The following FHOD1 variants were observed in gnomAD, a reference collection of about 807,000 sequenced individuals.
FHOD1 encodes the protein formin homology 2 domain containing 1, also known as FH1/FH2 domain-containing protein 1.
FHOD1 carries 89 observed loss-of-function variants against 111.6 expected under a neutral mutation model. That is an observed-to-expected ratio of 0.80 (90% confidence interval 0.67 to 0.95). FHOD1 has a LOEUF of 0.95. Ranked by LOEUF, FHOD1 falls within the 40% of genes least tolerant of loss-of-function variation. The pLI is 0.00. For missense variants in FHOD1, 1,446 were observed against 1,554.2 expected (o/e 0.93, Z 1.17); for synonymous variants, 618 against 639.0 (o/e 0.97, Z 0.50).
rs1348331281 is a variant in FHOD1, at chr16:67,238,864, AGGAGGTGCTGCT to A, written c.373+27_373+38del. On this transcript the variant is annotated intron_variant, in intron 3 of 21. Transcript: ENST00000258201. The surrounding 1 kb of genome is among the most constrained non-coding windows in gnomAD (Gnocchi z 4.2). ...AAGGTGAGCCAACTGGGCTATGGGG[AGGAGGTGCTGCT>A]GGACATGGATGCTCTCACACACTCA... The A allele has an allele frequency of 1.2e-6, 2 of 1,603,938 alleles. No individual in the cohort carries two copies. The highest frequency in any genetic ancestry group is 1.7e-6 in the Non-Finnish European group (2 of 1,170,774).
At chr16:67,234,595 A>G in intron 11 of FHOD1, 123 bp from the exon 12 acceptor site, 1 of 811,564 alleles carries the variant, frequency 1.2e-6, no homozygotes, top group African/African-American at 1.7e-5. Context: ...GGAACAGTCC[A>G]TGCGCTGAGC....
chr16:67,247,472 A>C lies in FHOD1; in HGVS notation c.-62T>G. 6.4e-7 allele frequency: 1 copy of C among 1,552,672 alleles called. No homozygotes were observed. The highest frequency in any genetic ancestry group is 8.8e-7 in the Non-Finnish European group (1 of 1,140,662). On this transcript the variant is annotated 5_prime_UTR_variant, in exon 1 of 22. Transcript: ENST00000258201. Reference sequence around the variant, plus strand: ...CCCGGCCCCAGTGCAGCTTCTACTCAAAGCACACTGTAGCTCCGCGGTTCG... The same window carrying C: ...CCCGGCCCCAGTGCAGCTTCTACTCCAAGCACACTGTAGCTCCGCGGTTCG...
In FHOD1 at chr16:67,238,840, A is replaced by G; in HGVS notation, c.373+63T>C. ...TGCTCACTGTTCAGCACAGGCCTGA[A>G]GGTGAGCCAACTGGGCTATGGGGAG... is the stretch of plus-strand genomic sequence containing the variant. On this transcript the variant is annotated intron_variant, in intron 3 of 21. Coordinates refer to ENST00000258201, the MANE Select transcript of FHOD1 (RefSeq NM_013241.3). The surrounding 1 kb of genome is among the most constrained non-coding windows in gnomAD (Gnocchi z 4.2). 6.6e-7 allele frequency: 1 copy of G among 1,519,930 alleles called. No homozygotes were observed. The highest frequency in any genetic ancestry group is 9.1e-7 in the Non-Finnish European group (1 of 1,093,928). The allele number at this position is 1,519,930 out of a possible 1,614,324, so 94.2% of individuals were successfully genotyped here.
In FHOD1 at chr16:67,236,985, C is replaced by A. The variant is rs753857928; in HGVS notation, c.1123G>T (p.Ala375Ser). 1 of 1,598,572 alleles carries A rather than the reference C, an allele frequency of 6.3e-7. No individual in the cohort carries two copies. The highest frequency in any genetic ancestry group is 8.5e-7 in the Non-Finnish European group (1 of 1,173,542). The change falls in exon 10 of 22, where the codon GCG (alanine) becomes TCG (serine). Residue 375 changes from alanine to serine, a missense_variant. Physicochemically the swap from Ala to Ser is moderately conservative, Grantham distance 99. Transcript: ENST00000258201. The stretch of plus-strand genomic sequence containing the variant: ...ACTTACCCAGGTTCCGGGGCACGCG[C>A]GGGGCAGCCCCCGCCTTCCAGAGAA... Reference protein sequence around the residue: ...RRSLEGGGCPARAPEPGPTGP... With the variant: ...RRSLEGGGCPSRAPEPGPTGP...
At position 67,237,344 on chromosome 16, in the gene FHOD1, A is replaced by G. The variant is rs1318974354; in HGVS notation, c.888T>C (p.Asp296=). The G allele has an allele frequency of 6.2e-7, 1 of 1,614,132 alleles. No individual in the cohort carries two copies. The highest frequency in any genetic ancestry group is 8.5e-7 in the Non-Finnish European group (1 of 1,180,008). Residue 296 remains aspartate, a synonymous_variant, in exon 9 of 22, where the codon GAT becomes GAC. Coordinates refer to ENST00000258201, the MANE Select transcript of FHOD1 (RefSeq NM_013241.3). The surrounding 1 kb of genome is among the most constrained non-coding windows in gnomAD (Gnocchi z 5.6). ...AALPDQDSFY[D]VTDALEQQGM... is the part of the protein sequence containing the mutation. Reference sequence around the variant, plus strand: ...CCTGCTGCTCCAGTGCATCCGTCACATCGTAGAAGGAGTCCTGGTCCGGGA... The same window carrying G: ...CCTGCTGCTCCAGTGCATCCGTCACGTCGTAGAAGGAGTCCTGGTCCGGGA...
At position 67,238,562 on chromosome 16, in the gene FHOD1, A is replaced by G. The variant is rs1311906004; in HGVS notation, c.374-115T>C. ...AGTCTAATATATATGTTTTGGTCTG[A>G]GAGACAGGGTCTCACTCTGTCACTC... On this transcript the variant is annotated intron_variant, in intron 3 of 21. Coordinates refer to ENST00000258201, the MANE Select transcript of FHOD1 (RefSeq NM_013241.3). This position sits in a 1 kb window ranked among gnomAD's most constrained non-coding sequence, Gnocchi z 4.2. 1.9e-6 allele frequency: 2 copies of G among 1,048,856 alleles called. No homozygotes were observed. Among genetic ancestry groups the G allele is most frequent in the East Asian group, 2.6e-5 (1 of 38,504 alleles). 65.0% of individuals were successfully genotyped at this position (1,048,856 alleles called of 1,614,324 possible). A position where few individuals can be genotyped will look rare whatever the true frequency, so the allele number is the denominator to read the frequency against.
In FHOD1 at chr16:67,238,049, T is replaced by G. The variant is rs1226018093; in HGVS notation, c.627A>C (p.Thr209=). The G allele has an allele frequency of 6.2e-7, 1 of 1,613,916 alleles. No individual in the cohort carries two copies. The highest frequency in any genetic ancestry group is 8.5e-7 in the Non-Finnish European group (1 of 1,179,966). Residue 209 remains threonine, a synonymous_variant, in exon 6 of 22, where the codon ACA becomes ACC. Transcript: ENST00000258201. The surrounding 1 kb of genome is among the most constrained non-coding windows in gnomAD (Gnocchi z 4.2). ...AGCCACTTACCAGGCTGGCACACAA[T>G]GTGTACAGCCACTGAATAGTGTCAC... ...AHSDTIQWLY[T]LCASLSRLVV...
rs561172471 is a variant in FHOD1 at position 67,231,980 on chromosome 16, C to T, written c.2202+59G>A. 19 of 1,597,318 alleles carry T rather than the reference C, an allele frequency of 1.2e-5. No individual in the cohort carries two copies. The highest frequency in any genetic ancestry group is 6.7e-5 in the African/African-American group (5 of 74,732). ...CCACCACCAGAGGGACAGGAAATGCCCACCTACCAAAGGAGAAGGCCAGAC... is the reference window on the plus strand; with the variant it reads ...CCACCACCAGAGGGACAGGAAATGCTCACCTACCAAAGGAGAAGGCCAGAC... On this transcript the variant is annotated intron_variant, in intron 14 of 21. Coordinates refer to ENST00000258201, the MANE Select transcript of FHOD1 (RefSeq NM_013241.3). This position sits in a 1 kb window ranked among gnomAD's most constrained non-coding sequence, Gnocchi z 4.3.
chr16:67,232,162 T>C lies in FHOD1; in HGVS notation c.2079A>G (p.Thr693=), dbSNP rs34888644. ...KAGEGRRTMT[T]VLDPKRSNAI... ...CGTTGCTGCGCTTGGGGTCCAGCAC[T>C]GTGGTCATTGTCCGGCGGCCCTCTC... Residue 693 remains threonine, a synonymous_variant, in exon 14 of 22, where the codon ACA becomes ACG. Coordinates refer to ENST00000258201, the MANE Select transcript of FHOD1 (RefSeq NM_013241.3). The C allele has an allele frequency of 0.014, 23,321 of 1,614,104 alleles. 1,645 individuals carry two copies. In the African/African-American group the frequency reaches 0.19, roughly 13 times the overall value.
intron 1 of FHOD1, among the ~76,000 whole-genome samples, chr16:67,246,001 G>A (rs1396591918): frequency 6.6e-6 from 1 of 152,224 alleles, no homozygotes; most frequent in Non-Finnish European, 1.5e-5. Flanking sequence ...CAAGAGAAGC[G>A]GGGGCTGAGT....
Position 67,238,131 on chromosome 16 carries a change from G to A in FHOD1, c.548-3C>T, listed in dbSNP as rs751976562. The A allele has an allele frequency of 8.1e-6, 13 of 1,614,094 alleles. No individual in the cohort carries two copies. In the South Asian group the frequency reaches 1.4e-4, roughly 18 times the overall value. On this transcript the variant is annotated splice_region_variant and splice_polypyrimidine_tract_variant and intron_variant, in intron 5 of 21. Transcript: ENST00000258201. The surrounding 1 kb of genome is among the most constrained non-coding windows in gnomAD (Gnocchi z 4.2). The stretch of plus-strand genomic sequence containing the variant: ...AAAGAGCATCAGCTGGCCGAGCGCT[G>A]GGGAAACAGGGATGGGCAGAGTCAG...
rs2034515969 is a variant in FHOD1 at position 67,237,141 on chromosome 16, A to G, written c.994-27T>C. 1 of 1,603,598 alleles carries G rather than the reference A, an allele frequency of 6.2e-7. No individual in the cohort carries two copies. ...TAGCAGAGGCGGACCAGGATGTAAGAAAGTGGTTAACGTGTATGCAGGTGG... is the reference window on the plus strand; with the variant it reads ...TAGCAGAGGCGGACCAGGATGTAAGGAAGTGGTTAACGTGTATGCAGGTGG... On this transcript the variant is annotated intron_variant, in intron 9 of 21. Coordinates refer to ENST00000258201, the MANE Select transcript of FHOD1 (RefSeq NM_013241.3). This position sits in a 1 kb window ranked among gnomAD's most constrained non-coding sequence, Gnocchi z 5.6.
At chr16:67,246,874 G>A in intron 1 of FHOD1, 1 of 303,984 alleles carries the variant, frequency 3.3e-6, no homozygotes, top group Non-Finnish European at 6.1e-6. Flanking sequence ...CGCCTCCAGG[G>A]TCCGCTACAG....
intron 1 of FHOD1, among the ~76,000 whole-genome samples, chr16:67,240,091 A>G (rs2034623828): frequency 6.6e-6 from 1 of 152,128 alleles, no homozygotes; most frequent in Non-Finnish European, 1.5e-5. Flanking sequence ...TGTGTGTCTC[A>G]GTGAGTAAGA....
rs545316719 is a variant in FHOD1, at chr16:67,229,551, C to T, written c.*85G>A. On this transcript the variant is annotated 3_prime_UTR_variant, in exon 22 of 22. Coordinates refer to ENST00000258201, the MANE Select transcript of FHOD1 (RefSeq NM_013241.3). ...GCTCCTGGGCACAGAGTTCTGGGGC[C>T]AGAATTCTGCTCTGGGCCCTCCTCA... is the stretch of plus-strand genomic sequence containing the variant. 1 of 1,269,310 alleles carries T rather than the reference C, an allele frequency of 7.9e-7. No individual in the cohort carries two copies. Among genetic ancestry groups the T allele is most frequent in the South Asian group, 1.2e-5 (1 of 83,592 alleles). 78.6% of individuals were successfully genotyped at this position (1,269,310 alleles called of 1,614,324 possible).
chr16:67,229,478 A>C lies in FHOD1; in HGVS notation c.*158T>G, dbSNP rs559733281. ...CATATGCATGCACACACACACATAC[A>C]CACACACTCACATGCATACACACAC... On this transcript the variant is annotated 3_prime_UTR_variant, in exon 22 of 22. Transcript: ENST00000258201. 5.9e-6 allele frequency: 4 copies of C among 674,840 alleles called. No individual in the cohort carries two copies. The highest frequency in any genetic ancestry group is 1.1e-5 in the Non-Finnish European group (4 of 372,898). 41.8% of individuals were successfully genotyped at this position (674,840 alleles called of 1,614,324 possible).
At chr16:67,235,113 G>A (rs959569548) in intron 11 of FHOD1, among the ~76,000 whole-genome samples, 1 of 152,162 alleles carries the variant, frequency 6.6e-6, no homozygotes, top group African/African-American at 2.4e-5. Context: ...GCCCAGGCTG[G>A]TGTCTTGAGT....
chr16:67,230,281 G>T, intron 19 of FHOD1, 33 bp downstream of exon 19: 2 of 1,613,450 alleles, frequency 1.2e-6, no homozygotes, highest in Non-Finnish European at 8.5e-7. Context: ...CAAGGAGGTG[G>T]CAGTCAAGAC....
rs1450930936 is a variant in FHOD1 at position 67,229,592 on chromosome 16, C to T, written c.*44G>A. 1.0e-5 allele frequency: 16 copies of T among 1,524,054 alleles called. No homozygotes were observed. Among genetic ancestry groups the T allele is most frequent in the Non-Finnish European group, 1.5e-5 (16 of 1,097,796 alleles). 94.4% of individuals were successfully genotyped at this position (1,524,054 alleles called of 1,614,324 possible). A position where few individuals can be genotyped will look rare whatever the true frequency, so the allele number is the denominator to read the frequency against. Reference sequence around the variant, plus strand: ...GCCCTCCTCACTCTGTCATCTCCTGCACTGCAGTCCAGGGTCCAGATAGAT... The same window carrying T: ...GCCCTCCTCACTCTGTCATCTCCTGTACTGCAGTCCAGGGTCCAGATAGAT... On this transcript the variant is annotated 3_prime_UTR_variant, in exon 22 of 22. Coordinates refer to ENST00000258201, the MANE Select transcript of FHOD1 (RefSeq NM_013241.3).
Sources: gnomAD v4.1 joint callset for allele counts (sites outside exome capture counted in the v4.1 genomes callset) on GRCh38, gnomAD v4.1.1 for gene constraint, Gnocchi (gnomAD v3.1) non-coding constraint, MANE v1.5 for transcripts, NCBI Gene and HGNC (gene_info 2026-07-23, HGNC 2026-07-21) for gene names.